The following USP9X variants were observed in gnomAD, a reference collection of about 807,000 sequenced individuals.
The protein encoded by USP9X is ubiquitin specific peptidase 9 X-linked.
Under a neutral mutation model 190.3 loss-of-function variants are expected in USP9X, and 7 were observed. The ratio of observed to expected loss-of-function variants is 0.04; its 90% CI spans 0.02 to 0.07. The LOEUF is 0.07. Among genes scored for constraint, USP9X ranks in the 10% least tolerant of loss-of-function variants. The pLI is 1.00. For missense variants in USP9X, 1,010 were observed against 1,916.9 expected, an observed-to-expected ratio of 0.53 and a Z score of 8.83; for synonymous variants, 645 against 659.5, an observed-to-expected ratio of 0.98 and a Z score of 0.34.
chrX:41,201,001 T>C (rs1569191392), intron 30 of USP9X, 59 bp from the exon 31 acceptor site: 2 of 1,128,291 alleles, frequency 1.8e-6, no homozygotes, highest in Non-Finnish European at 2.4e-6. Context: ...GTCAGCATAA[T>C]AGAGTTTGAA....
chrX:41,210,352 T>C (rs962240940), intron 32 of USP9X, among the ~76,000 whole-genome samples, 157 bp from the exon 33 acceptor site: 1 of 112,392 alleles, frequency 8.9e-6, no homozygotes, highest in Non-Finnish European at 1.9e-5. Flanking sequence ...AGCACATTCT[T>C]TTTTTCCTAC....
intron 21 of USP9X, among the ~76,000 whole-genome samples, chrX:41,172,713 C>T (rs1242146299): frequency 8.9e-6 from 1 of 112,024 alleles, no homozygotes; most frequent in African/African-American, 3.2e-5. Context: ...TGATTGTACA[C>T]CTATCACTTA....
chrX:41,217,805 G>A (rs756151873), intron 36 of USP9X, among the ~76,000 whole-genome samples: 2 of 111,407 alleles, frequency 1.8e-5, no homozygotes, highest in Non-Finnish European at 3.8e-5. Flanking sequence ...TGGGAGGATC[G>A]CTGGAGCCTG....
chrX:41,136,230 G>T (rs1222653411), intron 5 of USP9X, among the ~76,000 whole-genome samples: 1 of 111,817 alleles, frequency 8.9e-6, no homozygotes, highest in East Asian at 2.8e-4. Context: ...CGCCATCTTG[G>T]CTTCCTTGGA....
chrX:41,169,062 T>C (rs1264719462), intron 18 of USP9X, among the ~76,000 whole-genome samples: 1 of 112,010 alleles, frequency 8.9e-6, no homozygotes, highest in Admixed American at 9.5e-5. Flanking sequence ...TAAAGTGCAT[T>C]GTGGCATTTT....
intron 9 of USP9X, 51 bp from the exon 10 acceptor site, chrX:41,143,228 GAGCAATTAAGAA>G: frequency 1.2e-6 from 1 of 851,861 alleles, no homozygotes; most frequent in Non-Finnish European, 1.6e-6. Context: ...ATAATAGTGT[GAGCAATTAAGAA>G]AAAATTGTTT....
At chrX:41,131,185 G>C (rs1438241154) in intron 3 of USP9X, among the ~76,000 whole-genome samples, 1 of 111,405 alleles carries the variant, frequency 9.0e-6, no homozygotes, top group Non-Finnish European at 1.9e-5. Context: ...TGTTATAATA[G>C]TTTTATATCC....
intron 11 of USP9X, among the ~76,000 whole-genome samples, chrX:41,145,831 C>T (rs2062459432): frequency 9.0e-6 from 1 of 111,150 alleles, no homozygotes; most frequent in Admixed American, 9.5e-5. Flanking sequence ...TACTGAAGCC[C>T]AAGAGTCTGT....
Position 41,223,368 on chromosome X carries a change from C to T in USP9X, c.6717C>T (p.Cys2239=), listed in dbSNP as rs1360445407. The change falls in exon 39 of 45, where the codon TGC becomes TGT. Residue 2239 remains cysteine, a synonymous_variant. Coordinates refer to ENST00000378308, the MANE Select transcript of USP9X (RefSeq NM_001039591.3). The part of the protein sequence containing the change: ...YSVVSQLIRC[C]NVSSRMQSSI... ...TAGTGTCACAGCTGATCCGCTGTTG[C>T]AATGTCTCTTCAAGAATGCAGTCTT... 2.5e-6 allele frequency: 3 copies of T among 1,210,176 alleles called. No homozygotes were observed. The highest frequency in any genetic ancestry group is 3.4e-6 in the Non-Finnish European group (3 of 895,184).
At chrX:41,178,682 T>C (rs915409066) in intron 21 of USP9X, among the ~76,000 whole-genome samples, 3 of 112,038 alleles carry the variant, frequency 2.7e-5, no homozygotes, top group African/African-American at 9.7e-5. Context: ...TGTGGTCTTA[T>C]TTCCTTTGTT....
intron 2 of USP9X, among the ~76,000 whole-genome samples, chrX:41,125,684 A>ACACTCTCTCT: frequency 1.6e-3 from 30 of 19,029 alleles, no homozygotes; most frequent in African/African-American, 2.9e-3. Context: ...ACACACACAC[A>ACACTCTCTCT]CTCTCTCTCT....
chrX:41,163,261 G>C (rs1255023936), intron 15 of USP9X, among the ~76,000 whole-genome samples: 1 of 111,277 alleles, frequency 9.0e-6, no homozygotes, highest in Non-Finnish European at 1.9e-5. Flanking sequence ...CAAAAGAGTG[G>C]TTGGAGTCCT....
chrX:41,183,533 T>C (rs978008511), intron 21 of USP9X, among the ~76,000 whole-genome samples: 1 of 112,024 alleles, frequency 8.9e-6, no homozygotes, highest in South Asian at 3.7e-4. Flanking sequence ...CTTACCCTTT[T>C]TCGATGTTTG....
chrX:41,088,210 C>T (rs1035966472), intron 1 of USP9X, among the ~76,000 whole-genome samples: 11 of 112,027 alleles, frequency 9.8e-5, no homozygotes, highest in Non-Finnish European at 2.1e-4. Flanking sequence ...GCCTCGATCT[C>T]CTGACCTCGT....
In USP9X at chrX:41,203,715, TCAGA is replaced by T. The variant is rs1054998112; in HGVS notation, c.4825-1583_4825-1580del. Among the ~76,000 whole-genome samples the T allele has an allele frequency of 1.8e-4, 20 of 111,004 alleles. 1 individual carries two copies. The Middle Eastern group carries it at 0.028, about 153-fold the overall frequency. The stretch of plus-strand genomic sequence containing the variant: ...TTTATTTTATTATTTATTATTTTTT[TCAGA>T]CAGAGTCTCACTCTGTCACACAGGC... On this transcript the variant is annotated intron_variant, in intron 31 of 44. Coordinates refer to ENST00000378308, the MANE Select transcript of USP9X (RefSeq NM_001039591.3).
chrX:41,229,936 C>T (rs2063345226), intron 43 of USP9X, 157 bp downstream of exon 43: 1 of 986,035 alleles, frequency 1.0e-6, no homozygotes, highest in Non-Finnish European at 1.3e-6. Context: ...CATGGTGGCT[C>T]ACGCCTGTAA....
Position 41,203,782 on chromosome X carries a change from C to T in USP9X, c.4825-1521C>T, listed in dbSNP as rs577233141. ...GTGCTATCTCAGCTCACTGCAACCT[C>T]TGCCTCCTGGGTTCAAGCGATTCTC... On this transcript the variant is annotated intron_variant, in intron 31 of 44. Transcript: ENST00000378308. Among the ~76,000 whole-genome samples the T allele has an allele frequency of 1.1e-4, 12 of 111,316 alleles. No individual in the cohort carries two copies. In the South Asian group the frequency reaches 4.6e-3, roughly 43 times the overall value.
At chrX:41,140,367 T>C (rs1447582832) in intron 6 of USP9X, among the ~76,000 whole-genome samples, 4 of 111,769 alleles carry the variant, frequency 3.6e-5, no homozygotes, top group South Asian at 3.7e-4. Context: ...TTCATTCTTA[T>C]ATGGTGGGAT....
intron 26 of USP9X, among the ~76,000 whole-genome samples, chrX:41,192,795 A>T (rs1283230496): frequency 9.0e-6 from 1 of 111,589 alleles, no homozygotes; most frequent in Non-Finnish European, 1.9e-5. Flanking sequence ...AGGAGCTTAC[A>T]TGCCAAAAGG....
Sources: gnomAD v4.1 joint callset for allele counts (sites outside exome capture counted in the v4.1 genomes callset) on GRCh38, gnomAD v4.1.1 for gene constraint, MANE v1.5 for transcripts, NCBI Gene and HGNC (gene_info 2026-07-23, HGNC 2026-07-21) for gene names.